AP3S2: variants seen among roughly 807,000 people sequenced by gnomAD.
AP3S2 encodes the protein adaptor related protein complex 3 subunit sigma 2, also known as AP-3 complex subunit sigma-2.
Under a neutral mutation model 23.4 loss-of-function variants are expected in AP3S2, and 22 were observed. The ratio of observed to expected loss-of-function variants is 0.94; its 90% confidence interval spans 0.67 to 1.34. The LOEUF (loss-of-function observed/expected upper bound fraction) is 1.34. Among genes scored for constraint, AP3S2 ranks in the 40% most tolerant of loss-of-function variants. The probability of loss-of-function intolerance (pLI) is 0.00; values close to 1 mark genes in which losing one functional copy is unlikely to be tolerated. For synonymous variants in AP3S2, 86 were observed against 87.1 expected, an observed-to-expected ratio of 0.99 and a Z score of 0.07; for missense variants, 241 against 236.9, an observed-to-expected ratio of 1.02 and a Z score of -0.11.
chr15:89,835,206 TG>T lies in AP3S2; in HGVS notation c.*308del. 1 of 463,402 alleles carries T rather than the reference TG, an allele frequency of 2.2e-6. No individual in the cohort carries two copies. The highest frequency in any genetic ancestry group is 3.8e-6 in the Non-Finnish European group (1 of 263,544). The allele number at this position is 463,402 out of a possible 1,614,324, so 28.7% of individuals were successfully genotyped here. A position where few individuals can be genotyped will look rare whatever the true frequency, so the allele number is the denominator to read the frequency against. ...TCCCTAACCCTTGGGAGCATCCATGTGAGAGGTAAAGGTGCAAATGACTTGG... is the reference window on the plus strand; with the variant it reads ...TCCCTAACCCTTGGGAGCATCCATGTAGAGGTAAAGGTGCAAATGACTTGG... On this transcript the variant is annotated 3_prime_UTR_variant, in exon 6 of 6. Transcript: ENST00000336418.
intron 4 of AP3S2, among the ~76,000 whole-genome samples, chr15:89,856,018 A>G (rs983560798): frequency 6.6e-6 from 1 of 151,096 alleles, no homozygotes; most frequent in Non-Finnish European, 1.5e-5. Context: ...AAGAAAACTG[A>G]GGCACAAAGA....
intron 3 of AP3S2, among the ~76,000 whole-genome samples, chr15:89,879,809 T>C (rs1896528656): frequency 6.6e-6 from 1 of 151,978 alleles, no homozygotes; most frequent in African/African-American, 2.4e-5. Context: ...AGTTTCACCA[T>C]GTTGGCCAGG....
chr15:89,859,575 AG>A (rs1182348169), intron 4 of AP3S2, among the ~76,000 whole-genome samples: 1 of 150,762 alleles, frequency 6.6e-6, no homozygotes, highest in Non-Finnish European at 1.5e-5. Context: ...TTGTATTTTT[AG>A]TAGAGACGGA....
At chr15:89,836,669 C>T (rs1895199606) in intron 5 of AP3S2, among the ~76,000 whole-genome samples, 1 of 152,126 alleles carries the variant, frequency 6.6e-6, no homozygotes, top group African/African-American at 2.4e-5. Context: ...TCCCCTATTG[C>T]CTTCTTTCCG....
intron 4 of AP3S2, among the ~76,000 whole-genome samples, chr15:89,844,245 TTC>T (rs1567173794): frequency 1.1e-4 from 6 of 52,274 alleles, no homozygotes; most frequent in Non-Finnish European, 2.1e-4. Flanking sequence ...CTTTCTTTCT[TTC>T]TTTCTTTCTT....
intron 3 of AP3S2, among the ~76,000 whole-genome samples, chr15:89,884,656 T>C (rs1896651687): frequency 6.6e-6 from 1 of 151,800 alleles, no homozygotes; most frequent in Non-Finnish European, 1.5e-5. Context: ...TCCCCTTTTT[T>C]TTTTTTTTTG....
At chr15:89,858,059 T>C (rs1430907179) in intron 4 of AP3S2, among the ~76,000 whole-genome samples, 1 of 152,052 alleles carries the variant, frequency 6.6e-6, no homozygotes, top group East Asian at 1.9e-4. Flanking sequence ...CATAAGCCAT[T>C]GGGATTTTGG....
In AP3S2 at chr15:89,850,187, C is replaced by T. The variant is rs75744640; in HGVS notation, c.346-12465G>A. 2.3e-3 allele frequency among the ~76,000 whole-genome samples: 347 copies of T among 152,336 alleles called. 2 individuals are homozygous for T. Among genetic ancestry groups the T allele is most frequent in the African/African-American group, 7.3e-3 (302 of 41,582 alleles). ...TTTCCCTTTCACCTGCTCTTAGTGT[C>T]TTCTGAATCACTTTTATGAACTGTT... On this transcript the variant is annotated intron_variant, in intron 4 of 5. Transcript: ENST00000336418.
At chr15:89,844,067 A>T (rs1895402418) in intron 4 of AP3S2, among the ~76,000 whole-genome samples, 1 of 152,204 alleles carries the variant, frequency 6.6e-6, no homozygotes, top group Non-Finnish European at 1.5e-5. Flanking sequence ...ATTTAAAACT[A>T]AAGTAATAAA....
At chr15:89,838,547 G>A (rs1012600434) in intron 4 of AP3S2, among the ~76,000 whole-genome samples, 8 of 152,178 alleles carry the variant, frequency 5.3e-5, no homozygotes, top group African/African-American at 1.7e-4. Context: ...CCCTGGGTGG[G>A]TCAAAGCAGA....
At chr15:89,849,673 T>C in intron 4 of AP3S2, among the ~76,000 whole-genome samples, 1 of 152,084 alleles carries the variant, frequency 6.6e-6, no homozygotes. Context: ...AGCCTATGAA[T>C]TGTACTTTTT....
At chr15:89,889,420 A>C in intron 1 of AP3S2, 1 of 339,714 alleles carries the variant, frequency 2.9e-6, no homozygotes. Context: ...AAACAAGAAA[A>C]GGAACATTGA....
chr15:89,865,730 A>C (rs1282062942), intron 4 of AP3S2: 1 of 152,234 alleles, frequency 6.6e-6, no homozygotes, highest in Non-Finnish European at 1.5e-5. Flanking sequence ...AAAATGTACA[A>C]AAATGTACAA....
chr15:89,877,250 G>C (rs1415911661), intron 3 of AP3S2: 2 of 1,136,166 alleles, frequency 1.8e-6, no homozygotes, highest in Non-Finnish European at 1.2e-6. Context: ...AGAGGAACGG[G>C]ATTGGGTTTC....
At chr15:89,850,361 G>C (rs114848378) in intron 4 of AP3S2, among the ~76,000 whole-genome samples, 14 of 152,228 alleles carry the variant, frequency 9.2e-5, no homozygotes, top group African/African-American at 3.4e-4. Flanking sequence ...AATGAATCCA[G>C]TGGAGCCTTG....
At chr15:89,838,465 C>T (rs2095187341) in intron 4 of AP3S2, among the ~76,000 whole-genome samples, 1 of 152,208 alleles carries the variant, frequency 6.6e-6, no homozygotes, top group South Asian at 2.1e-4. Flanking sequence ...CTCAGTGTAC[C>T]TAACTGCTGT....
rs1895224954 is a variant in AP3S2 at position 89,837,605 on chromosome 15, G to A, written c.453+10C>T. ...ACCCAGCCAGGGCTAGAGCACAGCT[G>A]CTTACTCACCTCGGATTTCTCCAGC... On this transcript the variant is annotated intron_variant, in intron 5 of 5. Transcript: ENST00000336418. 6.2e-7 allele frequency: 1 copy of A among 1,613,886 alleles called. No individual in the cohort carries two copies. Among genetic ancestry groups the A allele is most frequent in the Non-Finnish European group, 8.5e-7 (1 of 1,179,944 alleles).
rs761933125 is a variant in AP3S2, at chr15:89,889,085, C to T, written c.125G>A (p.Arg42Gln). The T allele has an allele frequency of 5.0e-6, 8 of 1,614,014 alleles. No homozygotes were observed. The highest frequency in any genetic ancestry group is 2.2e-5 in the East Asian group (1 of 44,890). The part of the protein sequence containing the change: ...VRETFHLVLK[R>Q]DDNICNFLEG... ...CAAGAAGTTACAGATGTTGTCATCCCGCTTGAGGACTAGATGGAAAGTCTC... is the reference window on the plus strand; with the variant it reads ...CAAGAAGTTACAGATGTTGTCATCCTGCTTGAGGACTAGATGGAAAGTCTC... The change falls in exon 2 of 6, where the codon CGG becomes CAG. Residue 42 changes from arginine (R) to glutamine (Q), a missense_variant. Physicochemically the swap from Arg to Gln is conservative, Grantham distance 43. Coordinates refer to ENST00000336418, the MANE Select transcript of AP3S2 (RefSeq NM_005829.5).
At chr15:89,841,508 C>G (rs1895328851) in intron 4 of AP3S2, among the ~76,000 whole-genome samples, 1 of 152,124 alleles carries the variant, frequency 6.6e-6, no homozygotes, top group Non-Finnish European at 1.5e-5. Context: ...CAAATTAATT[C>G]CTTGTTTTTG....
Sources: gnomAD v4.1 joint callset for allele counts (sites outside exome capture counted in the v4.1 genomes callset) on GRCh38, gnomAD v4.1.1 for gene constraint, MANE v1.5 for transcripts, NCBI Gene and HGNC (gene_info 2026-07-23, HGNC 2026-07-21) for gene names.